The following ILDR2 variants were observed in gnomAD, a reference collection of about 807,000 sequenced individuals.
ILDR2 encodes the protein immunoglobulin-like domain-containing receptor 2.
ILDR2 carries 25 observed loss-of-function variants against 66.8 expected under a neutral mutation model. The observed-to-expected ratio is 0.37, with a 90% CI of 0.27 to 0.52. The LOEUF (loss-of-function observed/expected upper bound fraction) is 0.52, where lower values mean the gene tolerates loss of function less well. ILDR2 is among the 20% of genes least tolerant of loss of function. ILDR2 has a pLI of 0.88. For synonymous variants in ILDR2, 367 were observed against 357.2 expected (o/e 1.03, Z -0.31); for missense variants, 827 against 876.8 (o/e 0.94, Z 0.72).
chr1:166,948,329 C>G (rs1661763205), intron 3 of ILDR2, among the ~76,000 whole-genome samples: 1 of 152,176 alleles, frequency 6.6e-6, no homozygotes, highest in African/African-American at 2.4e-5. Context: ...AAAAGTCCCC[C>G]CTTTTCACTC....
Position 166,935,388 on chromosome 1 carries a change from C to G in ILDR2, c.793G>C (p.Gly265Arg), listed in dbSNP as rs746125370. 1 of 1,613,980 alleles carries G rather than the reference C, an allele frequency of 6.2e-7. No individual in the cohort carries two copies. Among genetic ancestry groups the G allele is most frequent in the Non-Finnish European group, 8.5e-7 (1 of 1,179,966 alleles). The change falls in exon 6 of 10, where the codon GGA becomes CGA. Residue 265 changes from glycine (G) to arginine (R), a missense_variant. Gly to Arg is a moderately radical substitution (Grantham distance 125, BLOSUM62 -2). This residue lies in a region of ILDR2 where 437 missense variants were observed against 523.2 expected (regional missense o/e 0.84). Coordinates refer to ENST00000271417, the MANE Select transcript of ILDR2 (RefSeq NM_199351.3). ...AGCATGCCAGATGAGGGGGCTCCTC[C>G]CAAAGGGACAGAGGGGATGGAGTAA... ...GPYSIPSVPL[G>R]GAPSSGMLMD...
chr1:166,968,365 A>G (rs933259173), intron 1 of ILDR2, among the ~76,000 whole-genome samples: 2 of 152,092 alleles, frequency 1.3e-5, no homozygotes, highest in African/African-American at 2.4e-5. Flanking sequence ...CACTGCCTCT[A>G]GAAGCTTCTT....
At chr1:166,955,853 A>G (rs1662249065) in intron 3 of ILDR2, among the ~76,000 whole-genome samples, 1 of 152,206 alleles carries the variant, frequency 6.6e-6, no homozygotes, top group South Asian at 2.1e-4. Flanking sequence ...CCAAATTGCT[A>G]TCACCTGGTT....
chr1:166,970,475 T>G (rs1663218872), intron 1 of ILDR2, among the ~76,000 whole-genome samples: 1 of 152,190 alleles, frequency 6.6e-6, no homozygotes, highest in Non-Finnish European at 1.5e-5. Context: ...ATCTTAGAGC[T>G]GAAGTTAACT....
Position 166,920,846 on chromosome 1 carries a change from T to C in ILDR2, c.1745A>G (p.Asp582Gly), listed in dbSNP as rs1659880108. ...GTYKAGSSQD[D>G]QEDASDDALP... ...CGCGTCGTCGGACGCGTCCTCCTGGTCGTCCTGCGACGAGCCGGCCTTGTA... is the reference window on the plus strand; with the variant it reads ...CGCGTCGTCGGACGCGTCCTCCTGGCCGTCCTGCGACGAGCCGGCCTTGTA... Residue 582 changes from aspartate (D) to glycine (G), a missense_variant, in exon 9 of 10, where the codon GAC (aspartate) becomes GGC (glycine). By Grantham distance (94) the Asp-to-Gly change is moderately conservative. Around this residue, in one of 2 missense-constraint regions of ILDR2, gnomAD observed 390 missense variants for 353.6 expected, o/e 1.10. Coordinates refer to ENST00000271417, the MANE Select transcript of ILDR2 (RefSeq NM_199351.3). 1.3e-6 allele frequency: 2 copies of C among 1,513,904 alleles called. No individual in the cohort carries two copies. The allele number at this position is 1,513,904 out of a possible 1,614,324, so 93.8% of individuals were successfully genotyped here. A position where few individuals can be genotyped will look rare whatever the true frequency, so the allele number is the denominator to read the frequency against.
intron 3 of ILDR2, 29 bp from the exon 4 acceptor site, chr1:166,939,599 G>A (rs756400029): frequency 6.2e-7 from 1 of 1,607,020 alleles, no homozygotes; most frequent in East Asian, 2.2e-5. Context: ...AAAGAAGAAG[G>A]AAAGTGGTTA....
At chr1:166,929,249 A>G (rs1409001433) in intron 6 of ILDR2, among the ~76,000 whole-genome samples, 3 of 152,228 alleles carry the variant, frequency 2.0e-5, no homozygotes, top group African/African-American at 7.2e-5. Flanking sequence ...AAATCAGTGG[A>G]GCACTTTGAG....
intron 3 of ILDR2, among the ~76,000 whole-genome samples, chr1:166,942,801 CCTT>C (rs1034108342): frequency 3.9e-5 from 6 of 152,124 alleles, no homozygotes; most frequent in African/African-American, 1.4e-4. Context: ...AATTGCTAGC[CCTT>C]CTTATTTCTA....
intron 3 of ILDR2, among the ~76,000 whole-genome samples, chr1:166,945,308 A>G (rs1221096444): frequency 6.6e-6 from 1 of 152,206 alleles, no homozygotes; most frequent in Non-Finnish European, 1.5e-5. Context: ...AATCAGGCAT[A>G]CTAATACTTT....
At chr1:166,974,304 C>T (rs531774881) in intron 1 of ILDR2, among the ~76,000 whole-genome samples, 8 of 152,346 alleles carry the variant, frequency 5.3e-5, no homozygotes, top group Non-Finnish European at 1.5e-5. Context: ...CATCCTACTC[C>T]CTTCAGCAGG....
downstream of ILDR2, among the ~76,000 whole-genome samples, chr1:166,906,555 A>G (rs1659353598): frequency 6.6e-6 from 1 of 152,240 alleles, no homozygotes; most frequent in Non-Finnish European, 1.5e-5. Flanking sequence ...CGTAGAAAAG[A>G]AGTAGAGGTA....
intron 7 of ILDR2, among the ~76,000 whole-genome samples, chr1:166,926,790 C>T (rs988413588): frequency 6.6e-6 from 1 of 151,856 alleles, no homozygotes; most frequent in Non-Finnish European, 1.5e-5. Context: ...TGGTTCTATC[C>T]ATGGGGCATG....
At chr1:166,933,514 A>G in intron 6 of ILDR2, 1 of 975,772 alleles carries the variant, frequency 1.0e-6, no homozygotes, top group Non-Finnish European at 1.2e-6. Flanking sequence ...TTCTATTTTA[A>G]TGCCACTTCT....
intron 4 of ILDR2, among the ~76,000 whole-genome samples, chr1:166,938,023 T>A (rs1317921783): frequency 1.3e-5 from 2 of 152,200 alleles, no homozygotes; most frequent in African/African-American, 4.8e-5. Flanking sequence ...AACAACATGT[T>A]TCCTGAATGT....
intron 3 of ILDR2, among the ~76,000 whole-genome samples, chr1:166,951,862 G>A (rs1225340215): frequency 6.6e-6 from 1 of 152,060 alleles, no homozygotes; most frequent in Non-Finnish European, 1.5e-5. Flanking sequence ...TCCAAAAATT[G>A]TTATTTACCA....
intron 3 of ILDR2, among the ~76,000 whole-genome samples, chr1:166,943,196 A>C (rs1274822855): frequency 1.3e-5 from 2 of 152,170 alleles, no homozygotes; most frequent in Non-Finnish European, 2.9e-5. Context: ...AGACGGTGCA[A>C]AGCTCTATAG....
At chr1:166,931,919 AC>A (rs1265990440) in intron 6 of ILDR2, among the ~76,000 whole-genome samples, 1 of 152,220 alleles carries the variant, frequency 6.6e-6, no homozygotes, top group Non-Finnish European at 1.5e-5. Context: ...CCTGCAAAAC[AC>A]CCAGGTGGAG....
rs2101833537 is a variant in ILDR2, at chr1:166,914,930, T to G, written c.*4425A>C. On this transcript the variant is annotated 3_prime_UTR_variant, in exon 10 of 10. Transcript: ENST00000271417. ...TTATTCTTGTCCACCCAACTTTAGG[T>G]AAGACCAAAGTGGGAGTGCTATTGG... The G allele has an allele frequency of 6.6e-6, 1 of 152,350 alleles. No individual in the cohort carries two copies. Among genetic ancestry groups the G allele is most frequent in the South Asian group, 2.1e-4 (1 of 4,830 alleles). 9.4% of individuals were successfully genotyped at this position (152,350 alleles called of 1,614,324 possible). A position where few individuals can be genotyped will look rare whatever the true frequency, so the allele number is the denominator to read the frequency against.
chr1:166,973,649 G>A (rs908348799), intron 1 of ILDR2, among the ~76,000 whole-genome samples: 2 of 127,908 alleles, frequency 1.6e-5, no homozygotes, highest in Admixed American at 2.1e-4. Flanking sequence ...CTTCAGTGCT[G>A]TTGTGATACA....
Sources: allele counts gnomAD v4.1 joint callset (sites outside exome capture counted in the v4.1 genomes callset), GRCh38; gene constraint gnomAD v4.1.1; regional missense constraint gnomAD v4.1.1; transcripts MANE v1.5; gene names NCBI Gene and HGNC (gene_info 2026-07-23, HGNC 2026-07-21).